Variants in SPOCK3 observed in about 807,000 individuals in gnomAD.
SPOCK3 encodes testican-3.
SPOCK3 carries 30 observed loss-of-function variants against 56.6 expected under a neutral mutation model. The ratio of observed to expected loss-of-function variants is 0.53; its 90% CI spans 0.40 to 0.72. The LOEUF is 0.72. Ranked by LOEUF, SPOCK3 falls within the 30% of genes least tolerant of loss-of-function variation. The pLI is 0.00. For missense variants in SPOCK3, 527 were observed against 530.0 expected, an observed-to-expected ratio of 0.99 and a Z score of 0.06; for synonymous variants, 196 against 183.3, an observed-to-expected ratio of 1.07 and a Z score of -0.56.
chr4:167,132,735 C>G (rs1279674615), intron 2 of SPOCK3, among the ~76,000 whole-genome samples: 1 of 152,010 alleles, frequency 6.6e-6, no homozygotes, highest in East Asian at 1.9e-4. Flanking sequence ...GATAGCTGCC[C>G]GTAAACCCTG....
At chr4:166,937,898 G>C (rs1427145471) in intron 4 of SPOCK3, among the ~76,000 whole-genome samples, 1 of 149,444 alleles carries the variant, frequency 6.7e-6, no homozygotes, top group Non-Finnish European at 1.5e-5. Flanking sequence ...CGAGTAGCTG[G>C]GACTACAGGC....
chr4:166,860,837 A>ATATATGT (rs1731182520), intron 6 of SPOCK3, among the ~76,000 whole-genome samples: 1 of 135,344 alleles, frequency 7.4e-6, no homozygotes, highest in South Asian at 2.3e-4. Flanking sequence ...ATATGCATAA[A>ATATATGT]ATATAACTCC....
intron 5 of SPOCK3, among the ~76,000 whole-genome samples, chr4:166,899,609 C>T (rs889045612): frequency 4.0e-5 from 6 of 148,400 alleles, no homozygotes; most frequent in South Asian, 2.1e-4. Flanking sequence ...CAGGTTAAAG[C>T]GATTCTCCTG....
At chr4:167,090,047 T>TTCAGTATG in intron 2 of SPOCK3, among the ~76,000 whole-genome samples, 2 of 152,286 alleles carry the variant, frequency 1.3e-5, no homozygotes, top group Non-Finnish European at 2.9e-5. Flanking sequence ...TTGGGTAGTT[T>TTCAGTATG]TCAGTATGGG....
rs200039344 is a variant in SPOCK3, at chr4:166,787,323, CGT to C, written c.709+4845_709+4846del. On this transcript the variant is annotated intron_variant, in intron 7 of 10. Coordinates refer to ENST00000357545, the MANE Select transcript of SPOCK3 (RefSeq NM_001040159.2). ...AACATTCTTTGTACAACCAGAAAAACGTGTGATTTGGCTCTCTCTTGCATGTT... is the reference window on the plus strand; with the variant it reads ...AACATTCTTTGTACAACCAGAAAAACGTGATTTGGCTCTCTCTTGCATGTT... Among the ~76,000 whole-genome samples, 1,037 of 152,178 alleles carry C rather than the reference CGT, an allele frequency of 6.8e-3. 10 individuals carry two copies. The highest frequency in any genetic ancestry group is 0.024 in the African/African-American group (994 of 41,540).
intron 7 of SPOCK3, among the ~76,000 whole-genome samples, chr4:166,772,485 A>G (rs1579184206): frequency 6.6e-6 from 1 of 152,198 alleles, no homozygotes; most frequent in Non-Finnish European, 1.5e-5. Context: ...AATGGTGAAG[A>G]AATTGCATAT....
At chr4:166,930,969 T>A (rs1472143285) in intron 4 of SPOCK3, among the ~76,000 whole-genome samples, 5 of 152,098 alleles carry the variant, frequency 3.3e-5, no homozygotes, top group Non-Finnish European at 7.4e-5. Context: ...TTGTAGTTAT[T>A]TGCCTACACA....
chr4:167,148,291 T>C (rs1017224368), intron 2 of SPOCK3, among the ~76,000 whole-genome samples: 7 of 152,100 alleles, frequency 4.6e-5, no homozygotes, highest in African/African-American at 1.7e-4. Context: ...GGAGAGCCTC[T>C]ACTTCACAAC....
intron 3 of SPOCK3, among the ~76,000 whole-genome samples, chr4:167,003,696 T>C (rs1156495439): frequency 6.6e-6 from 1 of 152,206 alleles, no homozygotes; most frequent in South Asian, 2.1e-4. Flanking sequence ...ATTTCAGCAA[T>C]TGCATTTGAC....
At chr4:166,864,562 A>C (rs1368564238) in intron 6 of SPOCK3, among the ~76,000 whole-genome samples, 1 of 152,178 alleles carries the variant, frequency 6.6e-6, no homozygotes, top group Non-Finnish European at 1.5e-5. Context: ...GAAAAGAGAG[A>C]AGAATCAAAT....
intron 2 of SPOCK3, among the ~76,000 whole-genome samples, chr4:167,145,414 A>G (rs542523619): frequency 1.2e-4 from 19 of 152,188 alleles, no homozygotes; most frequent in African/African-American, 4.1e-4. Context: ...ATGTTTTTTA[A>G]GCCATGGGGC....
intron 3 of SPOCK3, among the ~76,000 whole-genome samples, chr4:167,046,327 T>C (rs1753711508): frequency 6.6e-6 from 1 of 151,964 alleles, no homozygotes; most frequent in African/African-American, 2.4e-5. Flanking sequence ...TTTATTCTTC[T>C]TGGTGTTCCC....
chr4:166,789,030 T>C (rs920204861), intron 7 of SPOCK3, among the ~76,000 whole-genome samples: 2 of 151,460 alleles, frequency 1.3e-5, no homozygotes, highest in African/African-American at 4.9e-5. Flanking sequence ...GATTGTAAAA[T>C]ACATTTTTAT....
intron 2 of SPOCK3, among the ~76,000 whole-genome samples, chr4:167,226,945 T>A (rs1355321840): frequency 6.6e-6 from 1 of 152,038 alleles, no homozygotes; most frequent in Non-Finnish European, 1.5e-5. Context: ...GCATTGGCAG[T>A]TGTAAGTGAG....
chr4:166,808,528 A>G (rs1743420253), intron 6 of SPOCK3, among the ~76,000 whole-genome samples: 1 of 151,788 alleles, frequency 6.6e-6, no homozygotes, highest in Admixed American at 6.6e-5. Context: ...AGGAGCCCTC[A>G]CCCAAACTCC....
chr4:167,218,392 T>C (rs1735573696), intron 2 of SPOCK3, among the ~76,000 whole-genome samples: 2 of 152,108 alleles, frequency 1.3e-5, no homozygotes, highest in South Asian at 2.1e-4. Context: ...AAAGATCCTC[T>C]AGAACCTACA....
At position 166,754,640 on chromosome 4, in the gene SPOCK3, G is replaced by T; in HGVS notation, c.799C>A (p.Gln267Lys). The part of the protein sequence containing the change: ...LDTNYDLLLD[Q>K]SELRSIYLDK... ...AGGTAAATGCTTCTGAGCTCTGACT[G>T]GTCCAATAGCAGGTCATAGTTTGTA... The change falls in exon 8 of 11, where the codon CAG becomes AAG. Residue 267 changes from glutamine to lysine, a missense_variant. Gln to Lys is a moderately conservative substitution (Grantham distance 53). Transcript: ENST00000357545. The T allele has an allele frequency of 6.2e-7, 1 of 1,613,654 alleles. No individual in the cohort carries two copies.
intron 6 of SPOCK3, among the ~76,000 whole-genome samples, chr4:166,799,585 A>G (rs1579262619): frequency 1.3e-5 from 2 of 152,210 alleles, no homozygotes; most frequent in East Asian, 3.9e-4. Flanking sequence ...AGATACTTAA[A>G]AGGTTCATCC....
intron 6 of SPOCK3, among the ~76,000 whole-genome samples, chr4:166,875,478 T>A (rs1412155763): frequency 1.3e-5 from 2 of 152,122 alleles, no homozygotes; most frequent in African/African-American, 4.8e-5. Context: ...AATATGCTAT[T>A]TTATCCGGTA....
Sources: gnomAD v4.1 joint callset for allele counts (sites outside exome capture counted in the v4.1 genomes callset) on GRCh38, gnomAD v4.1.1 for gene constraint, MANE v1.5 for transcripts, NCBI Gene and HGNC (gene_info 2026-07-23, HGNC 2026-07-21) for gene names.